ECT2L: variants seen among roughly 807,000 people sequenced by gnomAD.
The protein encoded by ECT2L is epithelial cell transforming 2 like.
In ECT2L, 126 loss-of-function variants were observed where a neutral mutation model predicts 122.8. The ratio of observed to expected loss-of-function variants is 1.03; its 90% CI spans 0.89 to 1.19. ECT2L has a LOEUF of 1.19. ECT2L is among the 50% of genes most tolerant of loss of function. The pLI is 0.00. For missense variants in ECT2L, 1,012 were observed against 1,064.1 expected, an observed-to-expected ratio of 0.95 and a Z score of 0.68; for synonymous variants, 385 against 381.8, an observed-to-expected ratio of 1.01 and a Z score of -0.10.
chr6:138,891,382 A>C (rs1030880849), intron 20 of ECT2L, among the ~76,000 whole-genome samples: 3 of 152,206 alleles, frequency 2.0e-5, no homozygotes, highest in Non-Finnish European at 4.4e-5. Context: ...GGAGAGATTC[A>C]GCTGAGAGTA....
At position 138,823,457 on chromosome 6, in the gene ECT2L, A is replaced by T; in HGVS notation, c.179+8854A>T. On this transcript the variant is annotated intron_variant, in intron 4 of 21. Transcript: ENST00000541398. Reference sequence around the variant, plus strand: ...AGATGCCAAACATTAAAATATCTCGACCCCTAAAAGTTCTGCTCACAGTCG... The same window carrying T: ...AGATGCCAAACATTAAAATATCTCGTCCCCTAAAAGTTCTGCTCACAGTCG... 3 of 1,605,454 alleles carry T rather than the reference A, an allele frequency of 1.9e-6. No individual in the cohort carries two copies. In the South Asian group the frequency reaches 3.3e-5, roughly 18 times the overall value.
At chr6:138,873,730 G>A (rs1404895580) in intron 13 of ECT2L, among the ~76,000 whole-genome samples, 1 of 152,154 alleles carries the variant, frequency 6.6e-6, no homozygotes, top group Non-Finnish European at 1.5e-5. Flanking sequence ...GGAGGCAGAG[G>A]TTGCAGTGAG....
chr6:138,886,744 CAT>C, intron 18 of ECT2L, 111 bp from the exon 19 acceptor site: 1 of 769,854 alleles, frequency 1.3e-6, no homozygotes, highest in Non-Finnish European at 2.2e-6. Context: ...TCTATTATAA[CAT>C]ATGAAAATAC....
chr6:138,893,167 T>A (rs925750959), intron 20 of ECT2L, among the ~76,000 whole-genome samples: 2 of 144,416 alleles, frequency 1.4e-5, no homozygotes, highest in African/African-American at 5.6e-5. Context: ...CTTCTCAGTT[T>A]TTTTTTGTTT....
In ECT2L at chr6:138,858,882, A is replaced by T. The variant is rs1283789627; in HGVS notation, c.1199-3745A>T. Among the ~76,000 whole-genome samples, 5 of 150,074 alleles carry T rather than the reference A, an allele frequency of 3.3e-5. No homozygotes were observed. In the East Asian group the frequency reaches 7.8e-4, roughly 23 times the overall value. ...CACCATGCTTGGCTAATTTTTTTTT[A>T]TTTTTAGTAGAGACAGGGTCTCCCT... On this transcript the variant is annotated intron_variant, in intron 10 of 21. Coordinates refer to ENST00000541398, the MANE Select transcript of ECT2L (RefSeq NM_001077706.3).
At chr6:138,826,046 G>C (rs17067938) in intron 4 of ECT2L, among the ~76,000 whole-genome samples, 4 of 152,152 alleles carry the variant, frequency 2.6e-5, no homozygotes, top group African/African-American at 9.7e-5. Context: ...CGCCTGTTCA[G>C]CTATCCCCGT....
intron 1 of ECT2L, among the ~76,000 whole-genome samples, chr6:138,806,701 C>T (rs530253994): frequency 1.9e-4 from 29 of 151,802 alleles, no homozygotes; most frequent in African/African-American, 7.0e-4. Flanking sequence ...TTAGTAGAGA[C>T]GGGGTTTTGC....
rs367882311 is a variant in ECT2L, at chr6:138,896,453, T to C, written c.2415-4495T>C. Among the ~76,000 whole-genome samples, 3 of 152,334 alleles carry C rather than the reference T, an allele frequency of 2.0e-5. 1 individual carries two copies. ...TTCCCCAAAGGGATCTACAGTCACT[T>C]AGCAGGGTAACTATGCAACAGAGAA... On this transcript the variant is annotated intron_variant, in intron 20 of 21. Transcript: ENST00000541398.
intron 4 of ECT2L, among the ~76,000 whole-genome samples, chr6:138,837,853 ATTCTTG>A (rs887487215): frequency 1.3e-4 from 20 of 151,492 alleles, no homozygotes; most frequent in Middle Eastern, 3.2e-3. Flanking sequence ...AATTTTAGAT[ATTCTTG>A]TTCTTTGTCT....
At chr6:138,818,213 G>A (rs1489429910) in intron 4 of ECT2L, among the ~76,000 whole-genome samples, 5 of 152,286 alleles carry the variant, frequency 3.3e-5, no homozygotes, top group Middle Eastern at 3.4e-3. Context: ...GTGCGTGTGC[G>A]TGTGAGATCA....
chr6:138,871,865 T>C (rs1222861623), intron 13 of ECT2L, among the ~76,000 whole-genome samples: 1 of 152,024 alleles, frequency 6.6e-6, no homozygotes, highest in East Asian at 1.9e-4. Context: ...CCTTCTGCTG[T>C]TACCATAGCA....
chr6:138,864,807 T>C (rs561973042), intron 11 of ECT2L, among the ~76,000 whole-genome samples, 189 bp from the exon 12 acceptor site: 1 of 152,246 alleles, frequency 6.6e-6, no homozygotes, highest in Admixed American at 6.5e-5. Flanking sequence ...AAATGATTCA[T>C]TGAATCCTTT....
At chr6:138,896,624 T>C (rs1479161136) in intron 20 of ECT2L, among the ~76,000 whole-genome samples, 6 of 152,186 alleles carry the variant, frequency 3.9e-5, no homozygotes, top group Non-Finnish European at 8.8e-5. Flanking sequence ...GACCTGCTGT[T>C]GTCCATGTAC....
At chr6:138,885,961 G>A in intron 18 of ECT2L, 131 bp downstream of exon 18, 1 of 867,694 alleles carries the variant, frequency 1.2e-6, no homozygotes, top group Non-Finnish European at 1.7e-6. Context: ...TCCTTTTAAT[G>A]CTAAATCAAT....
chr6:138,835,365 A>G (rs1431582544), intron 4 of ECT2L, among the ~76,000 whole-genome samples: 2 of 152,062 alleles, frequency 1.3e-5, no homozygotes, highest in Non-Finnish European at 2.9e-5. Flanking sequence ...CCTGGGCAAC[A>G]TAGTGAAACC....
chr6:138,875,880 G>A (rs557592282), intron 13 of ECT2L, among the ~76,000 whole-genome samples: 10 of 152,276 alleles, frequency 6.6e-5, no homozygotes, highest in African/African-American at 2.4e-4. Context: ...CAGCACTTTG[G>A]GAGGCCAAGG....
At chr6:138,871,904 G>A (rs9495277) in intron 13 of ECT2L, among the ~76,000 whole-genome samples, 2 of 151,602 alleles carry the variant, frequency 1.3e-5, no homozygotes, top group Admixed American at 6.6e-5. Context: ...TCCCCTCCCC[G>A]ACAAAGTGCC....
Position 138,865,048 on chromosome 6 carries a change from C to T in ECT2L, c.1344C>T (p.Tyr448=), listed in dbSNP as rs945189267. Residue 448 remains tyrosine (Y), a synonymous_variant, in exon 12 of 22, where the codon TAC becomes TAT. Coordinates refer to ENST00000541398, the MANE Select transcript of ECT2L (RefSeq NM_001077706.3). ...GGGGAAAGGCCCCCTCTTCCATCTA[C>T]TTCTGCGAATCGAAGCTACAGACGT... The part of the protein sequence containing the change: ...SQWGKAPSSI[Y]FCESKLQTWS... 3.7e-6 allele frequency: 6 copies of T among 1,613,970 alleles called. No homozygotes were observed. In the African/African-American group the frequency reaches 8.0e-5, roughly 22 times the overall value.
chr6:138,833,413 C>G (rs527276659), intron 4 of ECT2L, among the ~76,000 whole-genome samples: 2 of 152,288 alleles, frequency 1.3e-5, no homozygotes, highest in East Asian at 3.9e-4. Flanking sequence ...GGAAAAACCC[C>G]TAGAAGACGA....
Sources: allele counts gnomAD v4.1 joint callset (sites outside exome capture counted in the v4.1 genomes callset), GRCh38; gene constraint gnomAD v4.1.1; transcripts MANE v1.5; gene names NCBI Gene and HGNC (gene_info 2026-07-23, HGNC 2026-07-21).